ANKRD42: variants seen among roughly 807,000 people sequenced by gnomAD.
ANKRD42 encodes the protein ankyrin repeat domain 42, also known as ankyrin repeat domain-containing protein 42.
In ANKRD42, 43 loss-of-function variants were observed where a neutral mutation model predicts 51.5. The ratio of observed to expected loss-of-function variants is 0.83; its 90% confidence interval spans 0.65 to 1.08. The LOEUF is 1.08. Among genes scored for constraint, ANKRD42 ranks in the 50% least tolerant of loss-of-function variants. The probability of loss-of-function intolerance (pLI) is 0.00; values close to 1 mark genes in which losing one functional copy is unlikely to be tolerated. For synonymous variants in ANKRD42, 203 were observed against 213.0 expected, an observed-to-expected ratio of 0.95 and a Z score of 0.41; for missense variants, 608 against 629.3, an observed-to-expected ratio of 0.97 and a Z score of 0.36.
chr11:83,251,744 T>A (rs1381688318), downstream of ANKRD42, among the ~76,000 whole-genome samples: 2 of 152,184 alleles, frequency 1.3e-5, no homozygotes, highest in Non-Finnish European at 2.9e-5. Context: ...TTAGGGTTAA[T>A]TTACTTATGA....
chr11:83,234,189 C>T (rs1863162097), intron 7 of ANKRD42, among the ~76,000 whole-genome samples: 1 of 152,010 alleles, frequency 6.6e-6, no homozygotes, highest in African/African-American at 2.4e-5. Flanking sequence ...AAGACATTAC[C>T]CTTTTCTTGG....
intron 5 of ANKRD42, chr11:83,213,341 CCCAGCTGT>C: frequency 6.3e-7 from 1 of 1,581,562 alleles, no homozygotes; most frequent in Non-Finnish European, 8.6e-7. Context: ...GAAAGAGCTG[CCCAGCTGT>C]CCATCGGAGT....
At chr11:83,241,454 C>T (rs623313) in intron 9 of ANKRD42, among the ~76,000 whole-genome samples, 40,188 of 151,928 alleles carry the variant, frequency 0.26, 5,492 homozygotes, top group Middle Eastern at 0.41. Context: ...GTCATTAGGC[C>T]TCTCTGAGGT....
intron 10 of ANKRD42, among the ~76,000 whole-genome samples, chr11:83,246,248 A>C (rs1863539315): frequency 6.6e-6 from 1 of 152,228 alleles, no homozygotes; most frequent in Non-Finnish European, 1.5e-5. Flanking sequence ...CTTTGTTATT[A>C]TTCCATAAAT....
intron 5 of ANKRD42, among the ~76,000 whole-genome samples, chr11:83,217,587 C>A (rs1166532839): frequency 6.6e-6 from 1 of 152,172 alleles, no homozygotes; most frequent in Non-Finnish European, 1.5e-5. Flanking sequence ...GTCAAACTTA[C>A]CTGGGGCTCT....
At chr11:83,213,013 C>T (rs750780445) in intron 5 of ANKRD42, 2 of 1,599,708 alleles carry the variant, frequency 1.3e-6, no homozygotes, top group East Asian at 4.5e-5. Context: ...TCATGGCCAC[C>T]CTCAGACCCC....
intron 10 of ANKRD42, 68 bp from the exon 11 acceptor site, chr11:83,247,875 T>C: frequency 7.7e-7 from 1 of 1,301,702 alleles, no homozygotes; most frequent in South Asian, 1.4e-5. Context: ...TATGAATGCT[T>C]TCCACTACTA....
Position 83,194,015 on chromosome 11 carries a change from C to T in ANKRD42, c.-656C>T, listed in dbSNP as rs920054487. 1 of 456,422 alleles carries T rather than the reference C, an allele frequency of 2.2e-6. No individual in the cohort carries two copies. Among genetic ancestry groups the T allele is most frequent in the African/African-American group, 2.0e-5 (1 of 50,084 alleles). 28.3% of individuals were successfully genotyped at this position (456,422 alleles called of 1,614,324 possible). A position where few individuals can be genotyped will look rare whatever the true frequency, so the allele number is the denominator to read the frequency against. ...AGCCTAAGTGCAGACGCCGGCTTCT[C>T]CCGCAGTGACTTGAGAAGGGTCAGT... On this transcript the variant is annotated 5_prime_UTR_variant, in exon 1 of 11. Coordinates refer to ENST00000533342, the MANE Select transcript of ANKRD42 (RefSeq NM_001300975.2).
intron 2 of ANKRD42, among the ~76,000 whole-genome samples, chr11:83,203,565 T>G (rs745529642): frequency 1.3e-5 from 2 of 151,958 alleles, no homozygotes; most frequent in Non-Finnish European, 2.9e-5. Flanking sequence ...AGCTAATTTT[T>G]GTATTTTTAG....
intron 1 of ANKRD42, among the ~76,000 whole-genome samples, chr11:83,196,652 T>C (rs986121295): frequency 2.0e-5 from 3 of 152,176 alleles, no homozygotes; most frequent in African/African-American, 7.2e-5. Flanking sequence ...ACCACATTAT[T>C]TTGTATTTTG....
chr11:83,213,212 C>G, intron 5 of ANKRD42: 2 of 1,599,920 alleles, frequency 1.3e-6, no homozygotes, highest in Non-Finnish European at 1.7e-6. Flanking sequence ...AAAGCACATG[C>G]TGCCTACTGA....
chr11:83,212,878 A>G (rs749368332), intron 5 of ANKRD42: 6 of 1,433,456 alleles, frequency 4.2e-6, no homozygotes, highest in Non-Finnish European at 5.5e-6. Flanking sequence ...TTTTGTTCTC[A>G]TTCTTTTTAC....
In ANKRD42 at chr11:83,228,231, C is replaced by CTT. The variant is rs11403803; in HGVS notation, c.913+396_913+397dup. On this transcript the variant is annotated intron_variant, in intron 7 of 10. Transcript: ENST00000533342. ...AAATAGAAATCATCCCTCTCTCTCTCTTTTTTTTTTTTTTTTTTTTTTTTT... is the reference window on the plus strand; with the variant it reads ...AAATAGAAATCATCCCTCTCTCTCTCTTTTTTTTTTTTTTTTTTTTTTTTTTT... 5.3e-3 allele frequency among the ~76,000 whole-genome samples: 312 copies of CTT among 58,970 alleles called. 51 individuals are homozygous for CTT. The highest frequency in any genetic ancestry group is 6.8e-3 in the Non-Finnish European group (210 of 30,766). 38.7% of individuals were successfully genotyped at this position (58,970 alleles called of 152,430 possible).
At position 83,247,976 on chromosome 11, in the gene ANKRD42, T is replaced by C. The variant is rs1364047159; in HGVS notation, c.1356T>C (p.Tyr452=). The change falls in exon 11 of 11, where the codon TAT becomes TAC. Residue 452 remains tyrosine (Y), a synonymous_variant. Transcript: ENST00000533342. ...TIKELQGQLE[Y]ERLRREKLEC... ...AAGAACTGCAGGGCCAGCTGGAGTA[T>C]GAACGACTACGTAGAGAAAAATTAG... 6 of 1,613,754 alleles carry C rather than the reference T, an allele frequency of 3.7e-6. No individual in the cohort carries two copies. The highest frequency in any genetic ancestry group is 4.2e-6 in the Non-Finnish European group (5 of 1,179,926).
intron 11 of ANKRD42, chr11:83,255,787 G>C: frequency 7.3e-7 from 1 of 1,377,992 alleles, no homozygotes; most frequent in Non-Finnish European, 9.7e-7. Flanking sequence ...AATGTAGAAA[G>C]ACGAAAATGT....
intron 5 of ANKRD42, chr11:83,213,316 T>C (rs617170): frequency 0.46 from 732,766 of 1,585,958 alleles, 173,970 homozygotes; most frequent in African/African-American, 0.72. Context: ...CTCCAAGAAC[T>C]GCAAAGCCAT....
At chr11:83,214,417 T>C (rs1862449336) in intron 5 of ANKRD42, 1 of 981,724 alleles carries the variant, frequency 1.0e-6, no homozygotes, top group African/African-American at 1.7e-5. Flanking sequence ...TCAAATATAC[T>C]TGATCATTTT....
chr11:83,245,625 G>A lies in ANKRD42; in HGVS notation c.1322+1G>A. 1 of 1,534,390 alleles carries A rather than the reference G, an allele frequency of 6.5e-7. No homozygotes were observed. The highest frequency in any genetic ancestry group is 8.7e-7 in the Non-Finnish European group (1 of 1,146,344). ...AGAAAGAACAGCTTGAGTCTGAAAA[G>A]TAATGTCCTTAAAACTTTAATGATT... On this transcript the variant is annotated splice_donor_variant, in intron 10 of 10. Transcript: ENST00000533342. LOFTEE classifies it high-confidence loss of function.
intron 5 of ANKRD42, among the ~76,000 whole-genome samples, chr11:83,219,026 G>T (rs1862630163): frequency 1.3e-5 from 2 of 152,290 alleles, no homozygotes; most frequent in Non-Finnish European, 2.9e-5. Context: ...AGGTTTCAGG[G>T]TCAAATTTGT....
Sources: allele counts gnomAD v4.1 joint callset (sites outside exome capture counted in the v4.1 genomes callset), GRCh38; gene constraint gnomAD v4.1.1; transcripts MANE v1.5; gene names NCBI Gene and HGNC (gene_info 2026-07-23, HGNC 2026-07-21).